Variants in TXNRD1 observed in about 807,000 individuals in gnomAD.
TXNRD1 encodes thioredoxin reductase 1, cytoplasmic.
TXNRD1 carries 57 observed loss-of-function variants against 80.3 expected under a neutral mutation model. The ratio of observed to expected loss-of-function variants is 0.71; its 90% CI spans 0.57 to 0.89. The LOEUF (loss-of-function observed/expected upper bound fraction) is 0.89, where lower values mean the gene tolerates loss of function less well. TXNRD1 is among the 40% of genes least tolerant of loss of function. TXNRD1 has a pLI of 0.00. For missense variants in TXNRD1, 730 were observed against 803.0 expected, an observed-to-expected ratio of 0.91 and a Z score of 1.10; for synonymous variants, 291 against 285.2, an observed-to-expected ratio of 1.02 and a Z score of -0.20.
At position 104,270,886 on chromosome 12, in the gene TXNRD1, C is replaced by T. The variant is rs997712159; in HGVS notation, c.304+12807C>T. Among the ~76,000 whole-genome samples, 11 of 152,036 alleles carry T rather than the reference C, an allele frequency of 7.2e-5. 1 individual carries two copies. Among genetic ancestry groups the T allele is most frequent in the Non-Finnish European group, 1.2e-4 (8 of 67,992 alleles). On this transcript the variant is annotated intron_variant, in intron 3 of 16. Coordinates refer to ENST00000525566, the MANE Select transcript of TXNRD1 (RefSeq NM_001093771.3). The stretch of plus-strand genomic sequence containing the variant: ...TTAACTAGCCGGGTGTGGTGGCTCA[C>T]GCCTATAATCCCAGTACTTTGGGAG...
chr12:104,310,202 T>G, intron 4 of TXNRD1: 1 of 1,221,424 alleles, frequency 8.2e-7, no homozygotes, highest in Non-Finnish European at 1.1e-6. Context: ...CAGGCTGGAG[T>G]GCAGTGGCGC....
chr12:104,224,235 C>G (rs2032420490), intron 1 of TXNRD1, among the ~76,000 whole-genome samples: 1 of 152,166 alleles, frequency 6.6e-6, no homozygotes, highest in Non-Finnish European at 1.5e-5. Context: ...ACATCAAGAC[C>G]CAGTCCAAAT....
intron 1 of TXNRD1, among the ~76,000 whole-genome samples, chr12:104,241,225 G>A (rs2032855461): frequency 6.6e-6 from 1 of 151,650 alleles, no homozygotes; most frequent in Admixed American, 6.6e-5. Context: ...TTTTTCAGTA[G>A]AGATGGGGTT....
rs755625923 is a variant in TXNRD1, at chr12:104,300,750, G to A, written c.415-10540G>A. Among the ~76,000 whole-genome samples the A allele has an allele frequency of 4.1e-4, 62 of 151,974 alleles. 1 individual carries two copies. The highest frequency in any genetic ancestry group is 1.3e-3 in the African/African-American group (52 of 41,456). On this transcript the variant is annotated intron_variant, in intron 4 of 16. Coordinates refer to ENST00000525566, the MANE Select transcript of TXNRD1 (RefSeq NM_001093771.3). ...GCAATGGTGCAATCTTGTCTCACCCGCAACCTCTGCCTCCCAGGTTGAAGT... is the reference window on the plus strand; with the variant it reads ...GCAATGGTGCAATCTTGTCTCACCCACAACCTCTGCCTCCCAGGTTGAAGT...
Position 104,254,644 on chromosome 12 carries a change from A to AAAAAAAAAAAAAT in TXNRD1, c.243+2967_243+2968insAAAAAAAAAAATA. 5.8e-4 allele frequency among the ~76,000 whole-genome samples: 54 copies of AAAAAAAAAAAAAT among 93,626 alleles called. 1 individual carries two copies. Among genetic ancestry groups the AAAAAAAAAAAAAT allele is most frequent in the African/African-American group, 1.5e-3 (30 of 19,390 alleles). The allele number at this position is 93,626 out of a possible 152,430, so 61.4% of individuals were successfully genotyped here. On this transcript the variant is annotated intron_variant, in intron 2 of 16. Transcript: ENST00000525566. Reference sequence around the variant, plus strand: ...CTATGTCTATGGAAAAAAAAAAAAAAATATATATATATATATATATATCAG... The same window carrying AAAAAAAAAAAAAT: ...CTATGTCTATGGAAAAAAAAAAAAAAAAAAAAAAAAAATATATATATATATATATATATATCAG...
At chr12:104,290,627 A>G (rs1345188334) in intron 4 of TXNRD1, among the ~76,000 whole-genome samples, 46 of 146,710 alleles carry the variant, frequency 3.1e-4, no homozygotes, top group African/African-American at 1.1e-3. Context: ...TTGAACCTGG[A>G]GGTGGAGGTT....
chr12:104,315,764 A>G lies in TXNRD1; in HGVS notation c.611-13A>G, dbSNP rs1242619980. The stretch of plus-strand genomic sequence containing the variant: ...AAAGCAGGTTATAAACTGATTTCTC[A>G]ATGTTGTTGTAGGTCTCGGAGGAAC... On this transcript the variant is annotated splice_polypyrimidine_tract_variant and intron_variant, in intron 6 of 16. Coordinates refer to ENST00000525566, the MANE Select transcript of TXNRD1 (RefSeq NM_001093771.3). 1.2e-6 allele frequency: 2 copies of G among 1,608,668 alleles called. No homozygotes were observed. The highest frequency in any genetic ancestry group is 1.7e-6 in the Non-Finnish European group (2 of 1,176,864).
chr12:104,285,568 A>G (rs888685836), intron 3 of TXNRD1, among the ~76,000 whole-genome samples: 8 of 152,208 alleles, frequency 5.3e-5, no homozygotes, highest in African/African-American at 1.9e-4. Flanking sequence ...CTTCAAATCA[A>G]TCCTTATTAC....
intron 15 of TXNRD1, among the ~76,000 whole-genome samples, chr12:104,337,516 C>T (rs34472170): frequency 0.013 from 1,911 of 152,112 alleles, 55 homozygotes; most frequent in African/African-American, 0.044. Context: ...ATAATTTCTA[C>T]ACAGGTATTT....
In TXNRD1 at chr12:104,259,335, C is replaced by T. The variant is rs545047421; in HGVS notation, c.304+1256C>T. Reference sequence around the variant, plus strand: ...GGCAGAGGTTACACTGAGCCAAGATCGCACCACAGCATTCCAGCCTGGGTG... The same window carrying T: ...GGCAGAGGTTACACTGAGCCAAGATTGCACCACAGCATTCCAGCCTGGGTG... On this transcript the variant is annotated intron_variant, in intron 3 of 16. Transcript: ENST00000525566. Among the ~76,000 whole-genome samples the T allele has an allele frequency of 8.1e-5, 12 of 148,318 alleles. No homozygotes were observed. The East Asian group carries it at 2.0e-3, about 25-fold the overall frequency.
At chr12:104,249,931 G>A (rs1015484005) in intron 1 of TXNRD1, among the ~76,000 whole-genome samples, 66 of 69,124 alleles carry the variant, frequency 9.5e-4, no homozygotes, top group African/African-American at 4.2e-3. Context: ...GCGAGACGCC[G>A]TCTCAAAAAA....
In TXNRD1 at chr12:104,315,849, A is replaced by G; in HGVS notation, c.683A>G (p.Gln228Arg). 1.2e-6 allele frequency: 2 copies of G among 1,612,402 alleles called. No homozygotes were observed. Among genetic ancestry groups the G allele is most frequent in the Non-Finnish European group, 8.5e-7 (1 of 1,178,848 alleles). The change falls in exon 7 of 17, where the codon CAA (glutamine) becomes CGA (arginine). Residue 228 changes from glutamine (Q) to arginine (R), a missense_variant. Physicochemically the swap from Gln to Arg is conservative, Grantham distance 43. Coordinates refer to ENST00000525566, the MANE Select transcript of TXNRD1 (RefSeq NM_001093771.3). Reference protein sequence around the residue: ...KLMHQAALLGQALQDSRNYGW... With the variant: ...KLMHQAALLGRALQDSRNYGW... ...ATGCATCAAGCAGCTTTGTTAGGAC[A>G]AGCCCTGCAAGACTCTCGAAATTAT... is the stretch of plus-strand genomic sequence containing the variant.
chr12:104,312,606 T>G (rs2035179457), intron 5 of TXNRD1, among the ~76,000 whole-genome samples: 1 of 152,220 alleles, frequency 6.6e-6, no homozygotes, highest in South Asian at 2.1e-4. Context: ...GTTGCCAATA[T>G]TCAAAGCTTA....
At chr12:104,339,853 G>A (rs1306208427) in intron 16 of TXNRD1, among the ~76,000 whole-genome samples, 5 of 152,204 alleles carry the variant, frequency 3.3e-5, no homozygotes, top group African/African-American at 2.4e-5. Flanking sequence ...GAGGAGGCAC[G>A]TCATACTATA....
chr12:104,263,003 C>T (rs916778279), intron 3 of TXNRD1, among the ~76,000 whole-genome samples: 3 of 152,048 alleles, frequency 2.0e-5, no homozygotes, highest in Admixed American at 1.3e-4. Context: ...TGTATTTTGG[C>T]CAGTCTACAT....
intron 3 of TXNRD1, 28 bp from the exon 4 acceptor site, chr12:104,288,903 C>T (rs781217786): frequency 2.5e-5 from 40 of 1,613,868 alleles, no homozygotes; most frequent in Admixed American, 8.3e-5. Context: ...GCACCTTACA[C>T]GCTCCGCTCT....
At chr12:104,296,028 A>C (rs2135762970) in intron 4 of TXNRD1, among the ~76,000 whole-genome samples, 1 of 152,350 alleles carries the variant, frequency 6.6e-6, no homozygotes, top group East Asian at 1.9e-4. Flanking sequence ...GGTTTACAGA[A>C]GAGAAAATAA....
At chr12:104,257,977 C>T (rs2033292483) in intron 2 of TXNRD1, 42 bp from the exon 3 acceptor site, 1 of 1,434,950 alleles carries the variant, frequency 7.0e-7, no homozygotes, top group Non-Finnish European at 9.5e-7. Flanking sequence ...TTGGTTATAA[C>T]CTCATTTTTC....
intron 3 of TXNRD1, among the ~76,000 whole-genome samples, chr12:104,281,153 G>A (rs2033867876): frequency 1.3e-5 from 2 of 152,062 alleles, no homozygotes; most frequent in Admixed American, 1.3e-4. Flanking sequence ...CTCTCTGGGT[G>A]TTCCTGCTTT....
Sources: allele counts gnomAD v4.1 joint callset (sites outside exome capture counted in the v4.1 genomes callset), GRCh38; gene constraint gnomAD v4.1.1; transcripts MANE v1.5; gene names NCBI Gene and HGNC (gene_info 2026-07-23, HGNC 2026-07-21).